UNC13C: variants seen among roughly 807,000 people sequenced by gnomAD.
UNC13C encodes the protein protein unc-13 homolog C.
A neutral mutation model predicts 245.4 loss-of-function variants in UNC13C; 174 were observed. The observed-to-expected ratio is 0.71, with a 90% CI of 0.63 to 0.80. The LOEUF (loss-of-function observed/expected upper bound fraction) is 0.80, where lower values mean the gene tolerates loss of function less well. Among genes scored for constraint, UNC13C ranks in the 30% least tolerant of loss-of-function variants. The pLI is 0.00. For synonymous variants in UNC13C, 992 were observed against 895.1 expected, an observed-to-expected ratio of 1.11 and a Z score of -1.93; for missense variants, 2,829 against 2,602.9, an observed-to-expected ratio of 1.09 and a Z score of -1.89.
At chr15:54,611,924 A>C (rs925048736) in intron 30 of UNC13C, among the ~76,000 whole-genome samples, 9 of 152,236 alleles carry the variant, frequency 5.9e-5, no homozygotes, top group Admixed American at 2.0e-4. Context: ...ACCTTGCAAC[A>C]TAAGTATTTT....
intron 17 of UNC13C, among the ~76,000 whole-genome samples, chr15:54,357,934 G>A (rs1424042300): frequency 6.6e-6 from 1 of 151,918 alleles, no homozygotes; most frequent in Non-Finnish European, 1.5e-5. Context: ...ATTATCAAAA[G>A]CCCAAAAGCC....
chr15:54,310,597 A>G (rs1232151521), intron 13 of UNC13C, among the ~76,000 whole-genome samples: 1 of 151,828 alleles, frequency 6.6e-6, no homozygotes, highest in African/African-American at 2.4e-5. Context: ...TTCATTTTGC[A>G]GATGGAAAAA....
At chr15:54,288,852 T>C (rs1348597535) in intron 10 of UNC13C, among the ~76,000 whole-genome samples, 2 of 152,052 alleles carry the variant, frequency 1.3e-5, no homozygotes, top group Non-Finnish European at 2.9e-5. Flanking sequence ...ATCTCTTGGC[T>C]CCTCTGTTCT....
chr15:53,918,782 G>C, the UNC13C span, among the ~76,000 whole-genome samples: 1,864 of 152,292 alleles, frequency 0.012, 35 homozygotes, highest in African/African-American at 0.043. Context: ...CCTGTCATCA[G>C]AGAGCCTCTC....
At chr15:54,310,584 C>G (rs1020386487) in intron 13 of UNC13C, among the ~76,000 whole-genome samples, 1 of 151,704 alleles carries the variant, frequency 6.6e-6, no homozygotes, top group African/African-American at 2.4e-5. Flanking sequence ...TTCTAAAAAT[C>G]CTTTCATTTT....
chr15:54,174,435 C>T (rs1378226640), intron 4 of UNC13C, among the ~76,000 whole-genome samples: 1 of 152,066 alleles, frequency 6.6e-6, no homozygotes, highest in Non-Finnish European at 1.5e-5. Context: ...CATAGCAAAT[C>T]TTGTTTTTAA....
At chr15:54,362,322 G>A (rs969915642) in intron 17 of UNC13C, among the ~76,000 whole-genome samples, 1 of 152,158 alleles carries the variant, frequency 6.6e-6, no homozygotes, top group Admixed American at 6.6e-5. Flanking sequence ...GAACCCACAG[G>A]TCTAGGGAAA....
At chr15:54,573,633 T>C (rs1897846001) in intron 30 of UNC13C, among the ~76,000 whole-genome samples, 1 of 152,216 alleles carries the variant, frequency 6.6e-6, no homozygotes, top group African/African-American at 2.4e-5. Flanking sequence ...TATGATGTTA[T>C]GTATGCAAGT....
intron 4 of UNC13C, among the ~76,000 whole-genome samples, chr15:54,165,945 G>A (rs552844424): frequency 9.9e-5 from 15 of 151,590 alleles, no homozygotes; most frequent in Admixed American, 3.9e-4. Context: ...AATTCAAAAT[G>A]TTTTCTTATT....
intron 19 of UNC13C, among the ~76,000 whole-genome samples, chr15:54,418,405 T>C (rs554833525): frequency 3.3e-4 from 50 of 152,218 alleles, no homozygotes; most frequent in African/African-American, 1.2e-3. Context: ...TCAGGGAGAA[T>C]AGACGTTGAG....
intron 17 of UNC13C, among the ~76,000 whole-genome samples, chr15:54,344,093 C>T (rs536695888): frequency 2.6e-5 from 4 of 152,180 alleles, no homozygotes; most frequent in East Asian, 1.9e-4. Context: ...CATGGAAGTT[C>T]GAAAGTTGGG....
At chr15:53,984,488 T>G (rs943466383) in intron 1 of UNC13C, among the ~76,000 whole-genome samples, 2 of 152,304 alleles carry the variant, frequency 1.3e-5, no homozygotes, top group East Asian at 3.9e-4. Context: ...GTACAGTGTT[T>G]GTGCAAACTT....
At chr15:54,269,166 G>C (rs1019506213) in intron 10 of UNC13C, among the ~76,000 whole-genome samples, 1 of 151,870 alleles carries the variant, frequency 6.6e-6, no homozygotes, top group Non-Finnish European at 1.5e-5. Context: ...ACTCCCTCAA[G>C]GCAATAAGCT....
chr15:54,558,373 A>G (rs1211938267), intron 29 of UNC13C, among the ~76,000 whole-genome samples: 2 of 152,038 alleles, frequency 1.3e-5, no homozygotes, highest in African/African-American at 2.4e-5. Context: ...AAGGACTCCA[A>G]ATTCTAAAGC....
At chr15:54,310,776 CTA>C (rs1032512420) in intron 13 of UNC13C, among the ~76,000 whole-genome samples, 2 of 95,882 alleles carry the variant, frequency 2.1e-5, no homozygotes, top group East Asian at 6.3e-4. Context: ...ATATCTATAT[CTA>C]TATATATGTA....
At chr15:53,880,571 T>C in the UNC13C span, among the ~76,000 whole-genome samples, 2 of 152,126 alleles carry the variant, frequency 1.3e-5, no homozygotes, top group Admixed American at 1.3e-4. Context: ...AGCTGACAGC[T>C]CTCTCGGGAC....
chr15:54,435,758 T>TG (rs1555464048), intron 19 of UNC13C, among the ~76,000 whole-genome samples: 1 of 150,198 alleles, frequency 6.7e-6, no homozygotes, highest in Non-Finnish European at 1.5e-5. Flanking sequence ...TAAATAAAAA[T>TG]AAAAAAAGAA....
At chr15:54,578,628 G>T (rs967762502) in intron 30 of UNC13C, among the ~76,000 whole-genome samples, 6 of 152,208 alleles carry the variant, frequency 3.9e-5, no homozygotes, top group Admixed American at 3.9e-4. Flanking sequence ...CACTCACACT[G>T]CAGTTTACTA....
intron 30 of UNC13C, among the ~76,000 whole-genome samples, chr15:54,597,806 T>C (rs1453210341): frequency 3.9e-5 from 6 of 152,162 alleles, no homozygotes; most frequent in African/African-American, 1.4e-4. Flanking sequence ...TTATTGAGTG[T>C]CTAAAAATAC....
Sources: gnomAD v4.1 joint callset for allele counts (sites outside exome capture counted in the v4.1 genomes callset) on GRCh38, gnomAD v4.1.1 for gene constraint, MANE v1.5 for transcripts, NCBI Gene and HGNC (gene_info 2026-07-23, HGNC 2026-07-21) for gene names.